The following ABCA13 variants were observed in gnomAD, a reference collection of about 807,000 sequenced individuals.
The protein encoded by ABCA13 is ATP binding cassette subfamily A member 13, also known as ATP-binding cassette sub-family A member 13.
Under a neutral mutation model 478.7 loss-of-function variants are expected in ABCA13, and 476 were observed. That is an observed-to-expected ratio of 0.99 (90% CI 0.92 to 1.07). The LOEUF is 1.07. Ranked by LOEUF, ABCA13 falls within the 50% of genes least tolerant of loss-of-function variation. ABCA13 has a pLI of 0.00. For missense variants in ABCA13, 6,060 were observed against 5,910.6 expected (o/e 1.03, Z -0.83); for synonymous variants, 2,252 against 2,158.9 (o/e 1.04, Z -1.20).
chr7:48,626,957 G>A (rs185252791), intron 59 of ABCA13: 17 of 985,406 alleles, frequency 1.7e-5, no homozygotes, highest in Non-Finnish European at 1.9e-5. Context: ...ATTGCGTATG[G>A]TTGAGACGGA....
At chr7:48,447,025 TGCAGCCATGC>T (rs1246138550) in intron 42 of ABCA13, among the ~76,000 whole-genome samples, 1 of 152,234 alleles carries the variant, frequency 6.6e-6, no homozygotes, top group Non-Finnish European at 1.5e-5. Flanking sequence ...GTGTAATTCT[TGCAGCCATGC>T]AGATCAGAGC....
At chr7:48,411,233 C>A (rs970457686) in intron 40 of ABCA13, among the ~76,000 whole-genome samples, 11 of 138,818 alleles carry the variant, frequency 7.9e-5, no homozygotes, top group African/African-American at 2.1e-4. Flanking sequence ...CTTTCTCTTT[C>A]TTTCTTTCTC....
intron 15 of ABCA13, among the ~76,000 whole-genome samples, chr7:48,268,741 CT>C (rs149565359): frequency 0.03 from 4,502 of 151,916 alleles, 216 homozygotes; most frequent in African/African-American, 0.1. Context: ...AGGTCTCGCT[CT>C]GTTGTTTACT....
At chr7:48,506,034 G>A (rs939002866) in intron 48 of ABCA13, among the ~76,000 whole-genome samples, 1 of 152,178 alleles carries the variant, frequency 6.6e-6, no homozygotes, top group Non-Finnish European at 1.5e-5. Flanking sequence ...CATAGGCTAT[G>A]GGATACTTAT....
intron 45 of ABCA13, among the ~76,000 whole-genome samples, chr7:48,478,690 G>A (rs1011972054): frequency 6.6e-6 from 1 of 152,054 alleles, no homozygotes; most frequent in Non-Finnish European, 1.5e-5. Flanking sequence ...GTTTAGGTAT[G>A]GTTACATTCT....
rs543636583 is a variant in ABCA13, at chr7:48,300,931, C to T, written c.9321+2444C>T. On this transcript the variant is annotated intron_variant, in intron 23 of 61. Coordinates refer to ENST00000435803, the MANE Select transcript of ABCA13 (RefSeq NM_152701.5). ...TGTTTTAGGCACATGTTCAAATCAA[C>T]AATGACTTCCTTCTTTGTGTTGGGC... is the stretch of plus-strand genomic sequence containing the variant. 1.3e-4 allele frequency among the ~76,000 whole-genome samples: 20 copies of T among 152,326 alleles called. No homozygotes were observed. In the South Asian group the frequency reaches 4.1e-3, roughly 32 times the overall value.
At chr7:48,599,194 C>T (rs1199697993) in intron 58 of ABCA13, among the ~76,000 whole-genome samples, 1 of 151,716 alleles carries the variant, frequency 6.6e-6, no homozygotes, top group East Asian at 1.9e-4. Flanking sequence ...ACTTCTTTGA[C>T]CCTTAGTTTA....
chr7:48,478,889 C>G (rs1828438001), intron 45 of ABCA13, among the ~76,000 whole-genome samples: 1 of 151,894 alleles, frequency 6.6e-6, no homozygotes, highest in Admixed American at 6.6e-5. Context: ...TTTTCTGAGC[C>G]CCAACGTTAC....
intron 59 of ABCA13, among the ~76,000 whole-genome samples, chr7:48,620,343 A>C (rs1019476752): frequency 6.6e-6 from 1 of 152,212 alleles, no homozygotes; most frequent in African/African-American, 2.4e-5. Context: ...GAAAATCCTC[A>C]GGCTAAGTAA....
At chr7:48,456,625 C>T (rs1464553825) in intron 43 of ABCA13, among the ~76,000 whole-genome samples, 1 of 152,138 alleles carries the variant, frequency 6.6e-6, no homozygotes, top group African/African-American at 2.4e-5. Context: ...CTGTAATACT[C>T]TCTGTAACTC....
chr7:48,439,382 A>G (rs1585325874), intron 42 of ABCA13, among the ~76,000 whole-genome samples: 2 of 152,164 alleles, frequency 1.3e-5, no homozygotes, highest in East Asian at 3.8e-4. Context: ...AGAATCTAAT[A>G]ATCATATTTT....
intron 55 of ABCA13, among the ~76,000 whole-genome samples, chr7:48,534,127 G>A (rs1833416320): frequency 6.6e-6 from 1 of 152,134 alleles, no homozygotes; most frequent in Non-Finnish European, 1.5e-5. Context: ...TTTGTTTTAA[G>A]ATTTAGAGCT....
intron 28 of ABCA13, among the ~76,000 whole-genome samples, chr7:48,337,367 C>T (rs374475315): frequency 2.6e-5 from 4 of 152,178 alleles, no homozygotes; most frequent in African/African-American, 7.2e-5. Flanking sequence ...TGGCAAATAG[C>T]GAATGCCCAG....
At chr7:48,271,253 A>G (rs1795567214) in intron 16 of ABCA13, among the ~76,000 whole-genome samples, 1 of 152,228 alleles carries the variant, frequency 6.6e-6, no homozygotes. Context: ...AGAACTCTGT[A>G]TTTTAAAATT....
chr7:48,614,838 G>C (rs1198690178), intron 58 of ABCA13, among the ~76,000 whole-genome samples: 6 of 134,852 alleles, frequency 4.4e-5, no homozygotes, highest in African/African-American at 1.6e-4. Flanking sequence ...TGAACAATGA[G>C]AACACATGGA....
intron 29 of ABCA13, among the ~76,000 whole-genome samples, chr7:48,350,186 G>A (rs1454054730): frequency 6.6e-6 from 1 of 152,196 alleles, no homozygotes; most frequent in Non-Finnish European, 1.5e-5. Flanking sequence ...AATTGCTTTT[G>A]CAAAATTAAT....
intron 58 of ABCA13, among the ~76,000 whole-genome samples, chr7:48,600,598 G>A (rs1415372813): frequency 1.3e-5 from 2 of 151,966 alleles, no homozygotes; most frequent in African/African-American, 4.8e-5. Flanking sequence ...CTAGTCTAAG[G>A]ATGATAGTAT....
chr7:48,495,404 C>T (rs1830187922), intron 48 of ABCA13, among the ~76,000 whole-genome samples: 2 of 152,058 alleles, frequency 1.3e-5, no homozygotes, highest in African/African-American at 4.8e-5. Context: ...AGTGACCATA[C>T]TCTGCATTAT....
Position 48,601,045 on chromosome 7 carries a change from T to A in ABCA13, c.14744+6232T>A, listed in dbSNP as rs1001545185. 5.3e-5 allele frequency among the ~76,000 whole-genome samples: 8 copies of A among 152,246 alleles called. No individual in the cohort carries two copies. In the East Asian group the frequency reaches 1.4e-3, roughly 26 times the overall value. On this transcript the variant is annotated intron_variant, in intron 58 of 61. Coordinates refer to ENST00000435803, the MANE Select transcript of ABCA13 (RefSeq NM_152701.5). The stretch of plus-strand genomic sequence containing the variant: ...TGTTTTTTTCTATTTTTGGATTGGA[T>A]AATCTTTATTGATCTATGTGTTCAC...
Sources: gnomAD v4.1 joint callset for allele counts (sites outside exome capture counted in the v4.1 genomes callset) on GRCh38, gnomAD v4.1.1 for gene constraint, MANE v1.5 for transcripts, NCBI Gene and HGNC (gene_info 2026-07-23, HGNC 2026-07-21) for gene names.